The following CDH20 variants were observed in gnomAD, a reference collection of about 807,000 sequenced individuals.
CDH20 encodes cadherin 20.
A neutral mutation model predicts 74.2 loss-of-function variants in CDH20; 29 were observed. The ratio of observed to expected loss-of-function variants is 0.39; its 90% CI spans 0.29 to 0.53. The LOEUF (loss-of-function observed/expected upper bound fraction) is 0.53. CDH20 is among the 20% of genes least tolerant of loss of function. The pLI, the probability that CDH20 is intolerant of heterozygous loss-of-function variation, is 0.69. For synonymous variants in CDH20, 469 were observed against 405.4 expected (o/e 1.16, Z -1.88); for missense variants, 988 against 1,048.3 (o/e 0.94, Z 0.79).
At chr18:61,481,631 G>T (rs908377292) in intron 1 of CDH20, among the ~76,000 whole-genome samples, 1 of 152,066 alleles carries the variant, frequency 6.6e-6, no homozygotes, top group Non-Finnish European at 1.5e-5. Context: ...TGAACAGATT[G>T]CCCCTTTCTT....
At chr18:61,461,506 A>G (rs1909773367) in intron 1 of CDH20, among the ~76,000 whole-genome samples, 1 of 151,930 alleles carries the variant, frequency 6.6e-6, no homozygotes. Flanking sequence ...CATGAGCCCA[A>G]ACCCTGTCTC....
At chr18:61,526,121 CTTTTT>C (rs765492185) in intron 6 of CDH20, among the ~76,000 whole-genome samples, 3 of 90,208 alleles carry the variant, frequency 3.3e-5, no homozygotes, top group Admixed American at 1.3e-4. Context: ...AAAAAGTTGA[CTTTTT>C]TTTTTTTTTT....
intron 8 of CDH20, among the ~76,000 whole-genome samples, chr18:61,537,925 C>A (rs1912867894): frequency 1.3e-5 from 2 of 152,142 alleles, no homozygotes; most frequent in African/African-American, 4.8e-5. Flanking sequence ...AGAATAATTT[C>A]TGTGTCTCGC....
At chr18:61,455,680 T>A (rs966777490) in intron 1 of CDH20, among the ~76,000 whole-genome samples, 1 of 152,204 alleles carries the variant, frequency 6.6e-6, no homozygotes, top group African/African-American at 2.4e-5. Context: ...GAAGGTCATA[T>A]TCTCCTAACA....
chr18:61,392,992 T>C (rs1174989892), intron 1 of CDH20, among the ~76,000 whole-genome samples: 16 of 152,128 alleles, frequency 1.1e-4, no homozygotes, highest in Admixed American at 1.0e-3. Flanking sequence ...TACAGCAAAC[T>C]CTGGAATTCT....
chr18:61,434,295 T>A (rs980625445), intron 1 of CDH20, among the ~76,000 whole-genome samples: 2 of 152,168 alleles, frequency 1.3e-5, no homozygotes, highest in African/African-American at 4.8e-5. Flanking sequence ...CAATGATAGA[T>A]ACCCATTGAA....
intron 6 of CDH20, among the ~76,000 whole-genome samples, chr18:61,522,791 C>T (rs2144360896): frequency 6.6e-6 from 1 of 152,198 alleles, no homozygotes; most frequent in Non-Finnish European, 1.5e-5. Context: ...CTTTGACAAA[C>T]CTGACAAAAA....
intron 1 of CDH20, among the ~76,000 whole-genome samples, chr18:61,404,414 G>A (rs1026739022): frequency 7.9e-5 from 12 of 152,068 alleles, no homozygotes; most frequent in African/African-American, 2.9e-4. Context: ...ATATAACAAG[G>A]TCTGGTTAAG....
At chr18:61,388,967 C>T (rs1431912593) in intron 1 of CDH20, among the ~76,000 whole-genome samples, 1 of 152,148 alleles carries the variant, frequency 6.6e-6, no homozygotes, top group Non-Finnish European at 1.5e-5. Context: ...TAGCACATGC[C>T]ATCGTTTATG....
intron 2 of CDH20, among the ~76,000 whole-genome samples, chr18:61,492,613 C>T (rs971419874): frequency 6.6e-5 from 10 of 152,202 alleles, no homozygotes; most frequent in East Asian, 3.8e-4. Flanking sequence ...GCGGTATGAC[C>T]TTTGACAGTT....
intron 11 of CDH20, among the ~76,000 whole-genome samples, chr18:61,550,983 C>A (rs930143807): frequency 6.6e-6 from 1 of 152,154 alleles, no homozygotes; most frequent in Non-Finnish European, 1.5e-5. Context: ...GCCATCTAAC[C>A]AGGAACAGTG....
At chr18:61,382,571 T>C (rs190494427) in intron 1 of CDH20, among the ~76,000 whole-genome samples, 1 of 152,334 alleles carries the variant, frequency 6.6e-6, no homozygotes, top group African/African-American at 2.4e-5. Context: ...TCTCAACACA[T>C]AATTGCTATT....
At chr18:61,529,686 T>C (rs1360012073) in intron 7 of CDH20, among the ~76,000 whole-genome samples, 1 of 152,208 alleles carries the variant, frequency 6.6e-6, no homozygotes, top group Non-Finnish European at 1.5e-5. Flanking sequence ...AATTTATTAA[T>C]TATATATGTA....
intron 1 of CDH20, among the ~76,000 whole-genome samples, chr18:61,336,703 A>C (rs1458653197): frequency 6.6e-6 from 1 of 151,642 alleles, no homozygotes; most frequent in Non-Finnish European, 1.5e-5. Context: ...ATTTTTTTTC[A>C]ATTTTGGACT....
chr18:61,500,569 G>C (rs1911342234), intron 4 of CDH20, 67 bp downstream of exon 4: 2 of 1,506,388 alleles, frequency 1.3e-6, no homozygotes, highest in South Asian at 2.6e-5. Context: ...TGCTATGACA[G>C]ACCCAACTCT....
chr18:61,511,846 AG>A, intron 6 of CDH20, among the ~76,000 whole-genome samples: 1 of 152,322 alleles, frequency 6.6e-6, no homozygotes, highest in Middle Eastern at 3.4e-3. Context: ...AATTTTGCCA[AG>A]GTCACTTTGA....
chr18:61,527,398 GATA>G, intron 6 of CDH20, among the ~76,000 whole-genome samples: 2 of 147,650 alleles, frequency 1.4e-5, no homozygotes, highest in Non-Finnish European at 3.0e-5. Flanking sequence ...TAGATAGATA[GATA>G]GATAGATAGA....
At chr18:61,552,197 A>G (rs17614347) in intron 11 of CDH20, among the ~76,000 whole-genome samples, 23,585 of 151,612 alleles carry the variant, frequency 0.16, 2,230 homozygotes, top group Non-Finnish European at 0.22. Flanking sequence ...CATGTCTCAT[A>G]TATGTATCTA....
chr18:61,534,441 C>T (rs1912752842), intron 7 of CDH20, among the ~76,000 whole-genome samples: 1 of 152,214 alleles, frequency 6.6e-6, no homozygotes, highest in Non-Finnish European at 1.5e-5. Flanking sequence ...ATATTCACTG[C>T]AGCATTATTC....
Sources: gnomAD v4.1 joint callset for allele counts (sites outside exome capture counted in the v4.1 genomes callset) on GRCh38, gnomAD v4.1.1 for gene constraint, MANE v1.5 for transcripts, NCBI Gene and HGNC (gene_info 2026-07-23, HGNC 2026-07-21) for gene names.